GMDS: variants seen among roughly 807,000 people sequenced by gnomAD.
The protein encoded by GMDS is GDP-mannose 4,6 dehydratase.
A neutral mutation model predicts 49.9 loss-of-function variants in GMDS; 20 were observed. The ratio of observed to expected loss-of-function variants is 0.40; its 90% CI spans 0.28 to 0.58. GMDS has a LOEUF of 0.58. Among genes scored for constraint, GMDS ranks in the 20% least tolerant of loss-of-function variants. The probability of loss-of-function intolerance (pLI) is 0.42; values close to 1 mark genes in which losing one functional copy is unlikely to be tolerated. For missense variants in GMDS, 362 were observed against 481.4 expected (o/e 0.75, Z 2.32); for synonymous variants, 177 against 178.6 (o/e 0.99, Z 0.07).
At position 1,839,540 on chromosome 6, in the gene GMDS, C is replaced by T. The variant is rs192082803; in HGVS notation, c.771+90563G>A. Among the ~76,000 whole-genome samples the T allele has an allele frequency of 2.3e-4, 35 of 152,158 alleles. No individual in the cohort carries two copies. In the East Asian group the frequency reaches 6.5e-3, roughly 28 times the overall value. Reference sequence around the variant, plus strand: ...AAGCACTGTGGCTTTGACATTTAACCCCTGACCCTTAAATATTTACCAGCT... The same window carrying T: ...AAGCACTGTGGCTTTGACATTTAACTCCTGACCCTTAAATATTTACCAGCT... On this transcript the variant is annotated intron_variant, in intron 7 of 10. Transcript: ENST00000380815.
intron 4 of GMDS, among the ~76,000 whole-genome samples, chr6:1,996,325 A>G (rs1301814661): frequency 2.0e-5 from 3 of 152,054 alleles, no homozygotes; most frequent in Non-Finnish European, 4.4e-5. Flanking sequence ...TGGGTAGTGT[A>G]CCTTTTTAAG....
intron 4 of GMDS, among the ~76,000 whole-genome samples, chr6:2,112,800 C>T (rs757735384): frequency 6.6e-6 from 1 of 152,106 alleles, no homozygotes; most frequent in Non-Finnish European, 1.5e-5. Flanking sequence ...CTAGCCTCAT[C>T]CCCTCTTGCT....
chr6:1,944,807 T>C (rs950517538), intron 6 of GMDS, among the ~76,000 whole-genome samples: 2 of 152,046 alleles, frequency 1.3e-5, no homozygotes, highest in East Asian at 1.9e-4. Flanking sequence ...CTTGATCTGA[T>C]AGAAAATTGG....
intron 9 of GMDS, among the ~76,000 whole-genome samples, chr6:1,712,340 G>C (rs913738702): frequency 2.6e-5 from 4 of 152,198 alleles, no homozygotes; most frequent in African/African-American, 9.6e-5. Context: ...CTTCACTTAG[G>C]AGATAGGGAA....
chr6:2,231,304 T>A (rs374731427), intron 1 of GMDS, among the ~76,000 whole-genome samples: 2 of 152,122 alleles, frequency 1.3e-5, no homozygotes, highest in Non-Finnish European at 2.9e-5. Flanking sequence ...ACACCTGTTA[T>A]CCCAGCAGTT....
At chr6:2,005,161 T>C (rs1424608897) in intron 4 of GMDS, among the ~76,000 whole-genome samples, 1 of 152,212 alleles carries the variant, frequency 6.6e-6, no homozygotes, top group Non-Finnish European at 1.5e-5. Flanking sequence ...AGACTGTTAC[T>C]GTGAGTTTTA....
At chr6:1,865,872 G>A (rs962468345) in intron 7 of GMDS, among the ~76,000 whole-genome samples, 1 of 152,046 alleles carries the variant, frequency 6.6e-6, no homozygotes, top group Non-Finnish European at 1.5e-5. Context: ...GCGGCTGAGG[G>A]CGTACAATCC....
chr6:2,025,549 A>G (rs1260249457), intron 4 of GMDS, among the ~76,000 whole-genome samples: 1 of 150,466 alleles, frequency 6.6e-6, no homozygotes. Flanking sequence ...CTTGTAATTG[A>G]AAAAAAAATC....
At chr6:1,817,827 T>C (rs1770733217) in intron 7 of GMDS, among the ~76,000 whole-genome samples, 2 of 152,156 alleles carry the variant, frequency 1.3e-5, no homozygotes. Flanking sequence ...AAAGCCTGGT[T>C]AACAGCAGGA....
chr6:1,872,317 T>A lies in GMDS; in HGVS notation c.771+57786A>T, dbSNP rs1437200371. 4.6e-5 allele frequency among the ~76,000 whole-genome samples: 7 copies of A among 152,372 alleles called. No homozygotes were observed. The East Asian group carries it at 1.4e-3, about 29-fold the overall frequency. On this transcript the variant is annotated intron_variant, in intron 7 of 10. Transcript: ENST00000380815. ...GTCTATATGAACTAGAATAATTCAG[T>A]ACTTATAATTTCTATTCTTTTGCCT...
chr6:1,746,746 G>T (rs1317327563), intron 7 of GMDS, among the ~76,000 whole-genome samples: 1 of 151,954 alleles, frequency 6.6e-6, no homozygotes, highest in Non-Finnish European at 1.5e-5. Flanking sequence ...CTGTCGCCCA[G>T]GCTGGAGTAC....
At chr6:2,001,880 C>G (rs995244422) in intron 4 of GMDS, among the ~76,000 whole-genome samples, 1 of 152,118 alleles carries the variant, frequency 6.6e-6, no homozygotes, top group Non-Finnish European at 1.5e-5. Context: ...ATATATAAAA[C>G]TTAACTCAAA....
intron 1 of GMDS, among the ~76,000 whole-genome samples, chr6:2,225,101 C>T (rs919144687): frequency 6.6e-6 from 1 of 151,568 alleles, no homozygotes; most frequent in Non-Finnish European, 1.5e-5. Context: ...GGGTGGATCG[C>T]TTGGGCCCAG....
intron 4 of GMDS, among the ~76,000 whole-genome samples, chr6:2,030,884 T>C (rs184457643): frequency 6.6e-6 from 1 of 152,336 alleles, no homozygotes; most frequent in Admixed American, 6.5e-5. Context: ...ACACAAGTAT[T>C]ATCTTTGTGA....
chr6:1,930,002 G>T, intron 7 of GMDS, 101 bp downstream of exon 7: 1 of 1,059,016 alleles, frequency 9.4e-7, no homozygotes, highest in Non-Finnish European at 1.4e-6. Context: ...GCAAAGGTTT[G>T]TATGCCCCCA....
chr6:1,713,438 C>T (rs943012296), intron 9 of GMDS, among the ~76,000 whole-genome samples: 5 of 152,256 alleles, frequency 3.3e-5, no homozygotes, highest in South Asian at 2.1e-4. Flanking sequence ...GTTTGCTCTG[C>T]GTCTCCGCCC....
intron 7 of GMDS, among the ~76,000 whole-genome samples, chr6:1,780,748 A>G (rs914501362): frequency 1.3e-5 from 2 of 152,202 alleles, no homozygotes; most frequent in African/African-American, 4.8e-5. Flanking sequence ...ACGCCATCAC[A>G]GGAGTCCTAG....
At chr6:1,852,438 C>T (rs1757720011) in intron 7 of GMDS, among the ~76,000 whole-genome samples, 2 of 152,158 alleles carry the variant, frequency 1.3e-5, no homozygotes, top group East Asian at 1.9e-4. Flanking sequence ...ATGAAAAAAA[C>T]TTCAGTAGCC....
chr6:2,160,616 G>A (rs957435911), intron 1 of GMDS, among the ~76,000 whole-genome samples: 2 of 152,148 alleles, frequency 1.3e-5, no homozygotes, highest in South Asian at 2.1e-4. Flanking sequence ...ATCATGGCTC[G>A]CTACAGCCTC....
Sources: gnomAD v4.1 joint callset for allele counts (sites outside exome capture counted in the v4.1 genomes callset) on GRCh38, gnomAD v4.1.1 for gene constraint, MANE v1.5 for transcripts, NCBI Gene and HGNC (gene_info 2026-07-23, HGNC 2026-07-21) for gene names.